Variants in CGNL1 observed in about 807,000 individuals in gnomAD.
The protein encoded by CGNL1 is cingulin-like protein 1.
In CGNL1, 132 loss-of-function variants were observed where a neutral mutation model predicts 141.2. That is an observed-to-expected ratio of 0.93 (90% confidence interval 0.81 to 1.08). The LOEUF (loss-of-function observed/expected upper bound fraction) is 1.08, where lower values mean the gene tolerates loss of function less well. CGNL1 is among the 50% of genes least tolerant of loss of function. The pLI is 0.00. For missense variants in CGNL1, 1,870 were observed against 1,588.6 expected, an observed-to-expected ratio of 1.18 and a Z score of -3.01; for synonymous variants, 690 against 622.1, an observed-to-expected ratio of 1.11 and a Z score of -1.63.
chr15:57,398,296 T>C (rs2062624490), intron 1 of CGNL1: 1 of 152,248 alleles, frequency 6.6e-6, no homozygotes, highest in African/African-American at 2.4e-5. Flanking sequence ...CTTTCCTTTT[T>C]TGTTTTTTTG....
chr15:57,493,501 T>G (rs1329652842), intron 8 of CGNL1, among the ~76,000 whole-genome samples: 1 of 152,148 alleles, frequency 6.6e-6, no homozygotes, highest in Non-Finnish European at 1.5e-5. Flanking sequence ...AGAACCAAGA[T>G]TCACAATGAT....
At position 57,547,563 on chromosome 15, in the gene CGNL1, G is replaced by C; in HGVS notation, c.*73G>C. The C allele has an allele frequency of 1.9e-6, 3 of 1,549,752 alleles. No homozygotes were observed. The highest frequency in any genetic ancestry group is 2.4e-5 in the South Asian group (2 of 83,138). ...AGCCACCCAAAGTGGGAGGCAGGGAGGGGAGCATCTGTCTGCCACTGAGAC... is the reference window on the plus strand; with the variant it reads ...AGCCACCCAAAGTGGGAGGCAGGGACGGGAGCATCTGTCTGCCACTGAGAC... On this transcript the variant is annotated 3_prime_UTR_variant, in exon 19 of 19. Transcript: ENST00000281282.
intron 6 of CGNL1, 91 bp from the exon 7 acceptor site, chr15:57,453,592 C>G: frequency 6.6e-7 from 1 of 1,510,752 alleles, no homozygotes; most frequent in Non-Finnish European, 9.0e-7. Flanking sequence ...GCTTTAGAGA[C>G]TTGTGTAACC....
At chr15:57,497,448 C>A (rs1162808031) in intron 8 of CGNL1, among the ~76,000 whole-genome samples, 1 of 152,216 alleles carries the variant, frequency 6.6e-6, no homozygotes, top group Non-Finnish European at 1.5e-5. Context: ...GCATGTGTCT[C>A]TTGGCCTCAG....
intron 8 of CGNL1, among the ~76,000 whole-genome samples, chr15:57,493,295 C>T (rs771200278): frequency 6.6e-6 from 1 of 152,264 alleles, no homozygotes; most frequent in South Asian, 2.1e-4. Flanking sequence ...CTTGTGCTCT[C>T]TTCTTTTGAC....
intron 1 of CGNL1, among the ~76,000 whole-genome samples, chr15:57,406,366 G>C (rs1244385753): frequency 2.6e-5 from 4 of 152,198 alleles, no homozygotes; most frequent in Non-Finnish European, 4.4e-5. Context: ...AGTAGCTAGA[G>C]GGAGGGAGTG....
At position 57,395,911 on chromosome 15, in the gene CGNL1, G is replaced by A. The variant is rs888828937; in HGVS notation, c.-16+19344G>A. ...TTATAATGTACAGAATCTTCTAGAA[G>A]CTTTCTTGTGCCTCCTCCTGATTGT... On this transcript the variant is annotated intron_variant, in intron 1 of 18. Coordinates refer to ENST00000281282, the MANE Select transcript of CGNL1 (RefSeq NM_032866.5). 3.3e-5 allele frequency among the ~76,000 whole-genome samples: 5 copies of A among 152,286 alleles called. No individual in the cohort carries two copies. In the East Asian group the frequency reaches 9.6e-4, roughly 29 times the overall value.
Position 57,438,599 on chromosome 15 carries a change from T to C in CGNL1, c.600T>C (p.Pro200=), listed in dbSNP as rs1259206625. 6.2e-7 allele frequency: 1 copy of C among 1,613,842 alleles called. No individual in the cohort carries two copies. The highest frequency in any genetic ancestry group is 8.5e-7 in the Non-Finnish European group (1 of 1,180,032). ...TTCCCAAACCTAGCAATTCCCAGCC[T>C]ACCAGTCCCTCCTTGGAAGACCCGG... ...TCFPKPSNSQ[P]TSPSLEDPAK... is the part of the protein sequence containing the mutation. Residue 200 remains proline, a synonymous_variant, in exon 2 of 19, where the codon CCT becomes CCC. Coordinates refer to ENST00000281282, the MANE Select transcript of CGNL1 (RefSeq NM_032866.5).
intron 2 of CGNL1, among the ~76,000 whole-genome samples, 184 bp downstream of exon 2, chr15:57,439,785 G>C (rs1414949857): frequency 1.3e-5 from 2 of 152,156 alleles, no homozygotes; most frequent in African/African-American, 4.8e-5. Context: ...CAATTGTATA[G>C]TTTTCTGGGT....
intron 13 of CGNL1, among the ~76,000 whole-genome samples, chr15:57,530,950 T>G (rs1456433235): frequency 3.9e-5 from 6 of 152,218 alleles, no homozygotes; most frequent in Non-Finnish European, 5.9e-5. Context: ...TACTTAGACC[T>G]ATGACAGATT....
At chr15:57,436,705 A>G (rs1247533061) in intron 1 of CGNL1, among the ~76,000 whole-genome samples, 1 of 152,228 alleles carries the variant, frequency 6.6e-6, no homozygotes, top group African/African-American at 2.4e-5. Flanking sequence ...AAATAATAAA[A>G]ATCAAACTAG....
intron 8 of CGNL1, among the ~76,000 whole-genome samples, chr15:57,480,117 A>G (rs1216575549): frequency 6.6e-6 from 1 of 152,162 alleles, no homozygotes; most frequent in African/African-American, 2.4e-5. Flanking sequence ...ATAAAGTGTG[A>G]ACTGTGAGAC....
chr15:57,537,937 C>T (rs1329912588), intron 14 of CGNL1, among the ~76,000 whole-genome samples: 3 of 152,244 alleles, frequency 2.0e-5, no homozygotes, highest in African/African-American at 4.8e-5. Flanking sequence ...GAAATACTTT[C>T]CCAGCCTTGA....
At chr15:57,404,307 A>G (rs937910579) in intron 1 of CGNL1, among the ~76,000 whole-genome samples, 28 of 152,228 alleles carry the variant, frequency 1.8e-4, no homozygotes, top group Non-Finnish European at 8.8e-5. Context: ...CCTGCTGGTG[A>G]AAAAAGCAGA....
intron 1 of CGNL1, among the ~76,000 whole-genome samples, chr15:57,393,705 G>A (rs1459223933): frequency 3.3e-5 from 5 of 152,094 alleles, no homozygotes; most frequent in Non-Finnish European, 7.4e-5. Context: ...GTGTGCATAA[G>A]TATTACTCTA....
At chr15:57,460,907 C>A (rs2063437356) in intron 7 of CGNL1, among the ~76,000 whole-genome samples, 1 of 152,076 alleles carries the variant, frequency 6.6e-6, no homozygotes, top group Admixed American at 6.5e-5. Context: ...GGAAGAAGGC[C>A]TGGAGTGCAG....
At chr15:57,384,826 C>T (rs1485990629) in intron 1 of CGNL1, among the ~76,000 whole-genome samples, 1 of 152,192 alleles carries the variant, frequency 6.6e-6, no homozygotes, top group Non-Finnish European at 1.5e-5. Context: ...TGTTTTGAAA[C>T]TTGACATCCT....
intron 7 of CGNL1, among the ~76,000 whole-genome samples, chr15:57,457,058 G>A (rs970848635): frequency 9.2e-5 from 14 of 151,682 alleles, no homozygotes; most frequent in African/African-American, 7.3e-5. Flanking sequence ...TGCTTCCTTG[G>A]CCATCCTGGA....
intron 8 of CGNL1, among the ~76,000 whole-genome samples, chr15:57,513,541 A>T (rs1353041503): frequency 2.0e-5 from 3 of 151,944 alleles, no homozygotes; most frequent in Admixed American, 2.0e-4. Flanking sequence ...TTTTTTTGAG[A>T]TGGAGTCTCA....
Sources: gnomAD v4.1 joint callset for allele counts (sites outside exome capture counted in the v4.1 genomes callset) on GRCh38, gnomAD v4.1.1 for gene constraint, MANE v1.5 for transcripts, NCBI Gene and HGNC (gene_info 2026-07-23, HGNC 2026-07-21) for gene names.